ACKR2: variants seen among roughly 807,000 people sequenced by gnomAD.
ACKR2 encodes the protein C-C chemokine receptor D6.
For missense variants in ACKR2, 457 were observed against 477.3 expected, an observed-to-expected ratio of 0.96 and a Z score of 0.40; for synonymous variants, 207 against 192.2, an observed-to-expected ratio of 1.08 and a Z score of -0.64.
At chr3:42,827,062 T>C (rs1187809321) in intron 2 of ACKR2, among the ~76,000 whole-genome samples, 1 of 152,200 alleles carries the variant, frequency 6.6e-6, no homozygotes, top group Non-Finnish European at 1.5e-5. Flanking sequence ...TGAGTTTAAT[T>C]CCATTATGGT....
chr3:42,837,340 C>T (rs1297042906), intron 2 of ACKR2, among the ~76,000 whole-genome samples: 3 of 152,138 alleles, frequency 2.0e-5, no homozygotes, highest in Non-Finnish European at 2.9e-5. Flanking sequence ...CCTCAACCTC[C>T]GGAGTAGCTG....
chr3:42,825,015 T>A (rs998454917), intron 2 of ACKR2, among the ~76,000 whole-genome samples: 1 of 152,162 alleles, frequency 6.6e-6, no homozygotes, highest in Non-Finnish European at 1.5e-5. Context: ...GAAAATCAAT[T>A]GGCCATGGAT....
intron 2 of ACKR2, chr3:42,834,549 T>A (rs1399806456): frequency 6.6e-6 from 1 of 151,964 alleles, no homozygotes; most frequent in Non-Finnish European, 1.5e-5. Context: ...TAATTTTTTT[T>A]ATTTTAATTT....
At chr3:42,816,502 T>C (rs1403242847) in intron 1 of ACKR2, among the ~76,000 whole-genome samples, 2 of 152,074 alleles carry the variant, frequency 1.3e-5, no homozygotes, top group African/African-American at 4.8e-5. Flanking sequence ...TAGTCTTGAA[T>C]TGACTTTTCC....
At chr3:42,851,668 G>C (rs1352738591) in intron 2 of ACKR2, among the ~76,000 whole-genome samples, 1 of 152,166 alleles carries the variant, frequency 6.6e-6, no homozygotes, top group Admixed American at 6.5e-5. Flanking sequence ...TCCCTTCCTT[G>C]ACTCTGGCTC....
intron 2 of ACKR2, among the ~76,000 whole-genome samples, chr3:42,853,158 A>G (rs576672204): frequency 6.6e-6 from 1 of 152,318 alleles, no homozygotes; most frequent in African/African-American, 2.4e-5. Context: ...CAGACCATCC[A>G]GAAGGCAGCT....
chr3:42,838,535 GACTGACCAT>G (rs72420907), intron 2 of ACKR2, among the ~76,000 whole-genome samples: 27,909 of 151,996 alleles, frequency 0.18, 2,615 homozygotes, highest in African/African-American at 0.21. Flanking sequence ...AAAGTAAAAA[GACTGACCAT>G]ACCAAGAACT....
At position 42,864,538 on chromosome 3, in the gene ACKR2, T is replaced by G; in HGVS notation, c.36T>G (p.Thr12=). The G allele has an allele frequency of 1.2e-6, 2 of 1,611,814 alleles. No homozygotes were observed. Among genetic ancestry groups the G allele is most frequent in the Non-Finnish European group, 1.7e-6 (2 of 1,178,378 alleles). ...CTGCCTCTCCGCAGCCACTCGCCAC[T>G]GAGGATGCCGATTCTGAGAATAGCA... ...AATASPQPLA[T]EDADSENSSF... Residue 12 remains threonine, a synonymous_variant, in exon 3 of 3, where the codon ACT becomes ACG. Coordinates refer to ENST00000422265, the MANE Select transcript of ACKR2 (RefSeq NM_001296.5).
chr3:42,864,548 G>A lies in ACKR2; in HGVS notation c.46G>A (p.Asp16Asn), dbSNP rs1420471671. 3.7e-6 allele frequency: 6 copies of A among 1,612,478 alleles called. No individual in the cohort carries two copies. Among genetic ancestry groups the A allele is most frequent in the South Asian group, 2.2e-5 (2 of 90,892 alleles). ...SPQPLATEDA[D>N]SENSSFYYYD... is the part of the protein sequence containing the mutation. ...GCAGCCACTCGCCACTGAGGATGCC[G>A]ATTCTGAGAATAGCAGCTTCTATTA... Residue 16 changes from aspartate to asparagine, a missense_variant, in exon 3 of 3, where the codon GAT (aspartate) becomes AAT (asparagine). Asp to Asn is a conservative substitution (Grantham distance 23). Transcript: ENST00000422265.
chr3:42,861,143 C>A (rs908535804), intron 2 of ACKR2, among the ~76,000 whole-genome samples: 1 of 151,830 alleles, frequency 6.6e-6, no homozygotes, highest in Non-Finnish European at 1.5e-5. Context: ...AAAGGAGACA[C>A]GAATCAAATA....
chr3:42,828,090 A>ATT lies in ACKR2; in HGVS notation c.-38+8380_-38+8381insTT, dbSNP rs200255129. 7.4e-3 allele frequency among the ~76,000 whole-genome samples: 683 copies of ATT among 91,864 alleles called. 9 individuals carry two copies. Among genetic ancestry groups the ATT allele is most frequent in the East Asian group, 0.029 (120 of 4,120 alleles). 60.3% of individuals were successfully genotyped at this position (91,864 alleles called of 152,430 possible). A position where few individuals can be genotyped will look rare whatever the true frequency, so the allele number is the denominator to read the frequency against. On this transcript the variant is annotated intron_variant, in intron 2 of 2. Transcript: ENST00000422265. ...ATGCTTGCATTATATATATATATAT[A>ATT]TATTTTTTTTTTTTTCTTTTCTTTT...
chr3:42,845,848 C>CAAA (rs35395771), intron 2 of ACKR2, among the ~76,000 whole-genome samples: 1 of 49,408 alleles, frequency 2.0e-5, no homozygotes, highest in Non-Finnish European at 4.8e-5. Context: ...GACTCCGTCT[C>CAAA]AAAAAAAAAA....
At chr3:42,842,985 CAAAAAAAAA>C (rs199716542) in intron 2 of ACKR2, among the ~76,000 whole-genome samples, 1 of 80,840 alleles carries the variant, frequency 1.2e-5, no homozygotes, top group Non-Finnish European at 2.3e-5. Flanking sequence ...ACTCTGTCTC[CAAAAAAAAA>C]AAAAAAAAAG....
chr3:42,825,825 A>G (rs933700490), intron 2 of ACKR2, among the ~76,000 whole-genome samples: 7 of 147,622 alleles, frequency 4.7e-5, no homozygotes, highest in Non-Finnish European at 1.5e-5. Context: ...TCAGTCTTTT[A>G]CCATTAAGTG....
At chr3:42,864,228 A>T (rs1431267907) in intron 2 of ACKR2, among the ~76,000 whole-genome samples, 3 of 152,244 alleles carry the variant, frequency 2.0e-5, no homozygotes, top group Non-Finnish European at 4.4e-5. Context: ...TTAGTCACTT[A>T]TCCAAGAGTA....
At chr3:42,821,290 CCCTGGCATCCCTTTTCCTTACA>C (rs1700807403) in intron 2 of ACKR2, among the ~76,000 whole-genome samples, 1 of 152,132 alleles carries the variant, frequency 6.6e-6, no homozygotes, top group African/African-American at 2.4e-5. Flanking sequence ...AGTGAGTTGT[CCCTGGCATCCCTTTTCCTTACA>C]TACGTGTTCC....
At chr3:42,862,128 C>T (rs1398218566) in intron 2 of ACKR2, among the ~76,000 whole-genome samples, 4 of 152,124 alleles carry the variant, frequency 2.6e-5, no homozygotes, top group African/African-American at 7.2e-5. Flanking sequence ...TCGCCTCAGC[C>T]CAAAATCTCC....
intron 1 of ACKR2, among the ~76,000 whole-genome samples, chr3:42,810,724 T>G (rs781462000): frequency 2.6e-5 from 4 of 152,216 alleles, no homozygotes; most frequent in African/African-American, 4.8e-5. Context: ...TCGTGCCCCT[T>G]TGTTCAAGTG....
At chr3:42,859,636 C>T (rs963717272) in intron 2 of ACKR2, among the ~76,000 whole-genome samples, 1 of 152,126 alleles carries the variant, frequency 6.6e-6, no homozygotes, top group African/African-American at 2.4e-5. Context: ...TCACCTCGGC[C>T]TCCCAAAGTG....
Sources: allele counts gnomAD v4.1 joint callset (sites outside exome capture counted in the v4.1 genomes callset), GRCh38; gene constraint gnomAD v4.1.1; transcripts MANE v1.5; gene names NCBI Gene and HGNC (gene_info 2026-07-23, HGNC 2026-07-21).